FAM210A: variants seen among roughly 807,000 people sequenced by gnomAD.
FAM210A encodes the protein mitochondrial inner membrane scaffold 1.
Under a neutral mutation model 25.3 loss-of-function variants are expected in FAM210A, and 13 were observed. The ratio of observed to expected loss-of-function variants is 0.51; its 90% CI spans 0.33 to 0.82. FAM210A has a LOEUF of 0.82. Among genes scored for constraint, FAM210A ranks in the 40% least tolerant of loss-of-function variants. The probability of loss-of-function intolerance (pLI) is 0.02; values close to 1 mark genes in which losing one functional copy is unlikely to be tolerated. For missense variants in FAM210A, 319 were observed against 323.2 expected (o/e 0.99, Z 0.10); for synonymous variants, 125 against 118.7 (o/e 1.05, Z -0.35).
At chr18:13,709,518 C>T (rs1224905738) in intron 1 of FAM210A, among the ~76,000 whole-genome samples, 17 of 152,356 alleles carry the variant, frequency 1.1e-4, no homozygotes, top group South Asian at 4.1e-4. Flanking sequence ...CTACCTTGAC[C>T]ATCTTATTTA....
intron 1 of FAM210A, among the ~76,000 whole-genome samples, chr18:13,708,945 TATC>T (rs1186669029): frequency 6.6e-6 from 1 of 152,220 alleles, no homozygotes; most frequent in Non-Finnish European, 1.5e-5. Flanking sequence ...CCAGTCCTAT[TATC>T]TGTTTCTTCC....
intron 1 of FAM210A, among the ~76,000 whole-genome samples, chr18:13,719,366 T>C (rs761759928): frequency 2.6e-5 from 4 of 152,294 alleles, no homozygotes; most frequent in Non-Finnish European, 5.9e-5. Flanking sequence ...ACAAAGGCAA[T>C]GTAGAAGAAG....
chr18:13,690,909 G>T (rs2043638074), intron 1 of FAM210A, among the ~76,000 whole-genome samples: 1 of 152,184 alleles, frequency 6.6e-6, no homozygotes. Flanking sequence ...GAATGACTTT[G>T]ACAAGTTGAG....
At chr18:13,672,654 C>T (rs1318458202) in intron 2 of FAM210A, among the ~76,000 whole-genome samples, 3 of 152,142 alleles carry the variant, frequency 2.0e-5, no homozygotes, top group Admixed American at 6.5e-5. Flanking sequence ...ATGATCTGCC[C>T]GCCGCAGCCT....
intron 1 of FAM210A, chr18:13,715,066 T>A (rs528545515): frequency 1.3e-5 from 2 of 152,194 alleles, no homozygotes; most frequent in South Asian, 4.1e-4. Flanking sequence ...ATATATATAA[T>A]CTTATACATA....
intron 3 of FAM210A, among the ~76,000 whole-genome samples, chr18:13,667,495 G>A (rs1424777154): frequency 6.6e-6 from 1 of 152,080 alleles, no homozygotes; most frequent in Admixed American, 6.5e-5. Context: ...TAGGTGGGTG[G>A]GTCACCTGAG....
Position 13,664,587 on chromosome 18 carries a change from C to G in FAM210A, c.*1893G>C, listed in dbSNP as rs1293364448. On this transcript the variant is annotated 3_prime_UTR_variant, in exon 4 of 4. Coordinates refer to ENST00000651643, the MANE Select transcript of FAM210A (RefSeq NM_152352.4). ...TCAATGTGAAGCAGTGCATTCAACC[C>G]TCTGTATCAGGAGACAGCGGTGCTG... 1 of 152,094 alleles carries G rather than the reference C, an allele frequency of 6.6e-6. No homozygotes were observed. Among genetic ancestry groups the G allele is most frequent in the African/African-American group, 2.4e-5 (1 of 41,418 alleles). The allele number at this position is 152,094 out of a possible 1,614,324, so 9.4% of individuals were successfully genotyped here.
intron 1 of FAM210A, among the ~76,000 whole-genome samples, chr18:13,698,860 G>T (rs542714026): frequency 2.6e-5 from 4 of 152,126 alleles, no homozygotes; most frequent in Admixed American, 1.3e-4. Context: ...GCCTGTAAGC[G>T]GCAGTGAGCA....
At chr18:13,684,405 G>GA (rs969654048) in intron 1 of FAM210A, among the ~76,000 whole-genome samples, 46 of 144,630 alleles carry the variant, frequency 3.2e-4, no homozygotes, top group Admixed American at 4.8e-4. Flanking sequence ...CTCAAAAAAA[G>GA]AAAAAAAAAA....
intron 2 of FAM210A, among the ~76,000 whole-genome samples, chr18:13,673,256 CCA>C (rs2043458763): frequency 2.7e-5 from 4 of 150,774 alleles, no homozygotes; most frequent in Non-Finnish European, 5.9e-5. Context: ...GACTTCATTT[CCA>C]GTTTCCTGAT....
At position 13,681,809 on chromosome 18, in the gene FAM210A, A is replaced by C; in HGVS notation, c.269T>G (p.Val90Gly). 6.2e-7 allele frequency: 1 copy of C among 1,614,158 alleles called. No homozygotes were observed. The highest frequency in any genetic ancestry group is 1.1e-5 in the South Asian group (1 of 91,078). ...GGATGAAAAAACCCTCCTGAATGAAACATGTTGCTTCCCTTGCTTATGGCG... is the reference window on the plus strand; with the variant it reads ...GGATGAAAAAACCCTCCTGAATGAACCATGTTGCTTCCCTTGCTTATGGCG... ...VLRHKQGKQHVSFRRVFSSSA... is the reference protein window; with the variant it reads ...VLRHKQGKQHGSFRRVFSSSA... Residue 90 changes from valine to glycine, a missense_variant, in exon 2 of 4, where the codon GTT becomes GGT. Val to Gly is a moderately radical substitution (Grantham distance 109). Transcript: ENST00000651643.
chr18:13,705,256 C>T (rs1430776362), intron 1 of FAM210A, among the ~76,000 whole-genome samples: 1 of 152,132 alleles, frequency 6.6e-6, no homozygotes, highest in Non-Finnish European at 1.5e-5. Context: ...GTTATCAGTG[C>T]TATGTACCTA....
chr18:13,695,463 C>A (rs2043684133), intron 1 of FAM210A, among the ~76,000 whole-genome samples: 1 of 152,152 alleles, frequency 6.6e-6, no homozygotes, highest in South Asian at 2.1e-4. Context: ...TGGGACCAAC[C>A]CAAATGTCCA....
intron 1 of FAM210A, among the ~76,000 whole-genome samples, chr18:13,699,108 A>G (rs1440106082): frequency 6.6e-6 from 1 of 152,126 alleles, no homozygotes; most frequent in Non-Finnish European, 1.5e-5. Flanking sequence ...CCTGGCCTCA[A>G]TCTCTTTCTT....
chr18:13,721,241 C>T (rs1249744437), intron 1 of FAM210A, among the ~76,000 whole-genome samples: 1 of 152,136 alleles, frequency 6.6e-6, no homozygotes, highest in East Asian at 1.9e-4. Context: ...TGAAAGAAAA[C>T]TGCTTTTGGT....
At chr18:13,690,873 C>T (rs1395206923) in intron 1 of FAM210A, among the ~76,000 whole-genome samples, 2 of 152,182 alleles carry the variant, frequency 1.3e-5, no homozygotes, top group Admixed American at 6.5e-5. Context: ...CAGCTCCTCA[C>T]CAGCAACAGG....
intron 1 of FAM210A, among the ~76,000 whole-genome samples, chr18:13,684,902 A>G (rs1336486060): frequency 6.6e-6 from 1 of 152,224 alleles, no homozygotes; most frequent in African/African-American, 2.4e-5. Flanking sequence ...ACATAAAGAT[A>G]GCCGGGAACT....
At chr18:13,696,154 A>G (rs2043691597) in intron 1 of FAM210A, among the ~76,000 whole-genome samples, 1 of 152,236 alleles carries the variant, frequency 6.6e-6, no homozygotes, top group African/African-American at 2.4e-5. Context: ...AGTTTTTGTC[A>G]GTATGATCTA....
At chr18:13,672,895 G>A (rs971645651) in intron 2 of FAM210A, among the ~76,000 whole-genome samples, 7 of 152,150 alleles carry the variant, frequency 4.6e-5, no homozygotes, top group Non-Finnish European at 8.8e-5. Context: ...AACATATACC[G>A]CGACAAATTT....
Sources: gnomAD v4.1 joint callset for allele counts (sites outside exome capture counted in the v4.1 genomes callset) on GRCh38, gnomAD v4.1.1 for gene constraint, MANE v1.5 for transcripts, NCBI Gene and HGNC (gene_info 2026-07-23, HGNC 2026-07-21) for gene names.